The following IGF1R variants were observed in gnomAD, a reference collection of about 807,000 sequenced individuals.
IGF1R encodes the protein insulin-like growth factor 1 receptor.
Under a neutral mutation model 144.6 loss-of-function variants are expected in IGF1R, and 44 were observed. The observed-to-expected ratio is 0.30, with a 90% CI of 0.24 to 0.39. IGF1R has a LOEUF of 0.39. Ranked by LOEUF, IGF1R falls within the 10% of genes least tolerant of loss-of-function variation. The pLI is 1.00. For synonymous variants in IGF1R, 795 were observed against 722.8 expected, an observed-to-expected ratio of 1.10 and a Z score of -1.60; for missense variants, 1,355 against 1,833.7, an observed-to-expected ratio of 0.74 and a Z score of 4.77.
intron 1 of IGF1R, among the ~76,000 whole-genome samples, chr15:98,680,008 T>C (rs1322542535): frequency 6.6e-6 from 1 of 151,806 alleles, no homozygotes; most frequent in East Asian, 1.9e-4. Context: ...AGAAAATATA[T>C]ACAAGAACCA....
intron 2 of IGF1R, chr15:98,890,527 C>T (rs1294419341): frequency 6.6e-6 from 1 of 152,290 alleles, no homozygotes; most frequent in African/African-American, 2.4e-5. Flanking sequence ...AGCAGCCTTC[C>T]AGGCTGCTCT....
intron 2 of IGF1R, among the ~76,000 whole-genome samples, chr15:98,776,032 C>T (rs2055704908): frequency 1.3e-5 from 2 of 152,308 alleles, no homozygotes; most frequent in South Asian, 4.1e-4. Flanking sequence ...CAGACTTTCT[C>T]AATCACATGT....
chr15:98,827,663 A>G (rs1230507979), intron 2 of IGF1R, among the ~76,000 whole-genome samples: 1 of 152,118 alleles, frequency 6.6e-6, no homozygotes, highest in East Asian at 1.9e-4. Context: ...GCTCACTGCA[A>G]CCTCTGCCTT....
chr15:98,957,706 A>G lies in IGF1R; in HGVS notation c.*264A>G, dbSNP rs550045850. The G allele has an allele frequency of 1.8e-6, 1 of 554,752 alleles. No homozygotes were observed. The highest frequency in any genetic ancestry group is 2.1e-5 in the South Asian group (1 of 46,714). 34.4% of individuals were successfully genotyped at this position (554,752 alleles called of 1,614,324 possible). On this transcript the variant is annotated 3_prime_UTR_variant, in exon 21 of 21. Coordinates refer to ENST00000650285, the MANE Select transcript of IGF1R (RefSeq NM_000875.5). ...TTAAGAACCTTAATGACAACACTTA[A>G]TAGCAACAGAGCACTTGAGAACCAG...
In IGF1R at chr15:98,960,873, C is replaced by A. The variant is rs1189903920; in HGVS notation, c.*3431C>A. 4.3e-6 allele frequency: 1 copy of A among 233,882 alleles called. No homozygotes were observed. The highest frequency in any genetic ancestry group is 6.0e-5 in the East Asian group (1 of 16,602). The allele number at this position is 233,882 out of a possible 1,614,324, so 14.5% of individuals were successfully genotyped here. Reference sequence around the variant, plus strand: ...GTACCAAACCTTCCGGCTGGAAAGCCCAGTGGCCGGCGCCGAGGCTCGTGG... The same window carrying A: ...GTACCAAACCTTCCGGCTGGAAAGCACAGTGGCCGGCGCCGAGGCTCGTGG... On this transcript the variant is annotated 3_prime_UTR_variant, in exon 21 of 21. Transcript: ENST00000650285.
intron 2 of IGF1R, among the ~76,000 whole-genome samples, chr15:98,721,066 G>A (rs533936055): frequency 1.3e-5 from 2 of 152,136 alleles, no homozygotes; most frequent in African/African-American, 4.8e-5. Flanking sequence ...TTCGGCATCT[G>A]GGTTTGGTGT....
rs200202491 is a variant in IGF1R at position 98,899,616 on chromosome 15, A to G, written c.1242A>G (p.Leu414=). Residue 414 remains leucine (L), a synonymous_variant, in exon 5 of 21, where the codon CTA becomes CTG. Coordinates refer to ENST00000650285, the MANE Select transcript of IGF1R (RefSeq NM_000875.5). The stretch of plus-strand genomic sequence containing the variant: ...GCCTCATCCTAGGAGAGGAGCAGCT[A>G]GAAGGGTAAGTGCCCCAAATTTCAT... ...NLRLILGEEQ[L]EGNYSFYVLD... 9.9e-6 allele frequency: 16 copies of G among 1,614,000 alleles called. No homozygotes were observed. The highest frequency in any genetic ancestry group is 1.4e-5 in the Non-Finnish European group (16 of 1,180,008).
intron 2 of IGF1R, among the ~76,000 whole-genome samples, chr15:98,878,694 A>AAAAAC (rs2013203100): frequency 8.6e-6 from 1 of 116,946 alleles, no homozygotes; most frequent in Non-Finnish European, 1.8e-5. Flanking sequence ...AAAAAAAAAA[A>AAAAAC]ACAACAACAA....
At chr15:98,811,061 G>A (rs2056579223) in intron 2 of IGF1R, among the ~76,000 whole-genome samples, 1 of 152,036 alleles carries the variant, frequency 6.6e-6, no homozygotes, top group African/African-American at 2.4e-5. Context: ...AGCACTTTGA[G>A]AGGCTGAGGC....
At chr15:98,779,967 C>T (rs973740887) in intron 2 of IGF1R, among the ~76,000 whole-genome samples, 2 of 152,142 alleles carry the variant, frequency 1.3e-5, no homozygotes, top group African/African-American at 4.8e-5. Flanking sequence ...AGACATTCAT[C>T]AAGTTCTCTG....
chr15:98,860,538 C>G (rs1302406169), intron 2 of IGF1R, among the ~76,000 whole-genome samples: 3 of 152,180 alleles, frequency 2.0e-5, no homozygotes, highest in African/African-American at 7.2e-5. Flanking sequence ...AACATGTATT[C>G]TGTACTTCTT....
chr15:98,817,010 G>T (rs2056708186), intron 2 of IGF1R, among the ~76,000 whole-genome samples: 1 of 152,184 alleles, frequency 6.6e-6, no homozygotes. Flanking sequence ...AGACAGAAAA[G>T]ATTTCTTCAA....
At chr15:98,934,577 A>C (rs943269217) in intron 15 of IGF1R, among the ~76,000 whole-genome samples, 1 of 152,124 alleles carries the variant, frequency 6.6e-6, no homozygotes, top group Non-Finnish European at 1.5e-5. Context: ...TGGTCCTTCT[A>C]TCTGTTAGTA....
intron 15 of IGF1R, among the ~76,000 whole-genome samples, chr15:98,930,860 T>G (rs1407346323): frequency 6.6e-6 from 1 of 152,130 alleles, no homozygotes. Flanking sequence ...GCTGGGAAGG[T>G]CTGACATGGA....
At chr15:98,830,622 T>TTTTTTTTA (rs1567150757) in intron 2 of IGF1R, among the ~76,000 whole-genome samples, 2 of 150,942 alleles carry the variant, frequency 1.3e-5, no homozygotes, top group African/African-American at 4.9e-5. Flanking sequence ...TTTTTTTTTT[T>TTTTTTTTA]AGATGGAGTC....
intron 2 of IGF1R, among the ~76,000 whole-genome samples, chr15:98,727,804 G>T (rs2054397338): frequency 1.3e-5 from 2 of 152,184 alleles, no homozygotes; most frequent in Non-Finnish European, 2.9e-5. Flanking sequence ...GGCGGCAGAA[G>T]GACTGGGGAA....
chr15:98,725,319 A>G (rs1385771690), intron 2 of IGF1R, among the ~76,000 whole-genome samples: 1 of 152,168 alleles, frequency 6.6e-6, no homozygotes, highest in Non-Finnish European at 1.5e-5. Context: ...AAAAAACAAA[A>G]ACAAAAACAC....
chr15:98,838,187 T>G (rs549858612), intron 2 of IGF1R, among the ~76,000 whole-genome samples: 5 of 152,358 alleles, frequency 3.3e-5, no homozygotes, highest in African/African-American at 1.2e-4. Flanking sequence ...AAAGTTGACA[T>G]CATTGCCTAA....
At chr15:98,656,582 C>G (rs1193784822) in intron 1 of IGF1R, among the ~76,000 whole-genome samples, 2 of 151,196 alleles carry the variant, frequency 1.3e-5, no homozygotes, top group Non-Finnish European at 2.9e-5. Context: ...ATAAATTGCT[C>G]ACCTGGTAAT....
Sources: allele counts gnomAD v4.1 joint callset (sites outside exome capture counted in the v4.1 genomes callset), GRCh38; gene constraint gnomAD v4.1.1; transcripts MANE v1.5; gene names NCBI Gene and HGNC (gene_info 2026-07-23, HGNC 2026-07-21).